The following CUX2 variants were observed in gnomAD, a reference collection of about 807,000 sequenced individuals.
CUX2 encodes cut like homeobox 2, also known as homeobox protein cut-like 2.
In CUX2, 40 loss-of-function variants were observed where a neutral mutation model predicts 144.8. The ratio of observed to expected loss-of-function variants is 0.28; its 90% CI spans 0.21 to 0.36. The LOEUF (loss-of-function observed/expected upper bound fraction) is 0.36. Ranked by LOEUF, CUX2 falls within the 10% of genes least tolerant of loss-of-function variation. CUX2 has a pLI of 1.00. For synonymous variants in CUX2, 827 were observed against 875.6 expected, an observed-to-expected ratio of 0.94 and a Z score of 0.98; for missense variants, 1,615 against 1,994.0, an observed-to-expected ratio of 0.81 and a Z score of 3.62.
intron 1 of CUX2, among the ~76,000 whole-genome samples, chr12:111,143,129 T>C (rs1876441714): frequency 6.6e-6 from 1 of 152,138 alleles, no homozygotes; most frequent in Non-Finnish European, 1.5e-5. Context: ...TACTGAGACT[T>C]GACACATCCT....
At chr12:111,288,625 G>A (rs1301260003) in intron 4 of CUX2, among the ~76,000 whole-genome samples, 3 of 151,772 alleles carry the variant, frequency 2.0e-5, no homozygotes, top group African/African-American at 7.3e-5. Context: ...TCAGGAGTTC[G>A]AGACCAGCCT....
At chr12:111,126,576 G>A (rs1875100759) in intron 1 of CUX2, among the ~76,000 whole-genome samples, 1 of 152,198 alleles carries the variant, frequency 6.6e-6, no homozygotes, top group South Asian at 2.1e-4. Context: ...TTACCCGAGG[G>A]AGGGTCAGCT....
Position 111,304,425 on chromosome 12 carries a change from C to T in CUX2, c.858+111C>T. 1 of 811,952 alleles carries T rather than the reference C, an allele frequency of 1.2e-6. No homozygotes were observed. Among genetic ancestry groups the T allele is most frequent in the Non-Finnish European group, 2.0e-6 (1 of 494,762 alleles). 50.3% of individuals were successfully genotyped at this position (811,952 alleles called of 1,614,324 possible). A position where few individuals can be genotyped will look rare whatever the true frequency, so the allele number is the denominator to read the frequency against. The stretch of plus-strand genomic sequence containing the variant: ...ACACTTTGTGGTTGATTGTGTGCAT[C>T]CATTTGAAACTGGGAGTGTGAATGT... On this transcript the variant is annotated intron_variant, in intron 10 of 21. Transcript: ENST00000261726. This position sits in a 1 kb window ranked among gnomAD's most constrained non-coding sequence, Gnocchi z 4.7.
chr12:111,116,999 A>G (rs569011426), intron 1 of CUX2, among the ~76,000 whole-genome samples: 9 of 152,326 alleles, frequency 5.9e-5, no homozygotes, highest in Admixed American at 5.9e-4. Flanking sequence ...TTAGACAGCT[A>G]ATACTGTGCT....
At chr12:111,345,680 G>A (rs1888768826) in intron 21 of CUX2, among the ~76,000 whole-genome samples, 1 of 147,390 alleles carries the variant, frequency 6.8e-6, no homozygotes, top group Non-Finnish European at 1.5e-5. Flanking sequence ...AGCTTGCGGT[G>A]AGCCAAGATC....
intron 2 of CUX2, among the ~76,000 whole-genome samples, chr12:111,216,582 G>A (rs1426663678): frequency 3.3e-5 from 5 of 152,194 alleles, no homozygotes. Context: ...AGCAGAGCAC[G>A]CCACCCCATC....
rs935578780 is a variant in CUX2 at position 111,281,951 on chromosome 12, C to T, written c.302-9467C>T. On this transcript the variant is annotated intron_variant, in intron 4 of 21. Transcript: ENST00000261726. ...CCAGGGTGAGCCTCGGACTGCAGCA[C>T]GGCTCTGAGAAAATCTTGGCCAGGG... Among the ~76,000 whole-genome samples the T allele has an allele frequency of 9.9e-5, 15 of 152,216 alleles. No individual in the cohort carries two copies. In the South Asian group the frequency reaches 2.5e-3, roughly 25 times the overall value.
rs1175127555 is a variant in CUX2, at chr12:111,310,371, T to G, written c.1589T>G (p.Leu530Arg). 6.3e-7 allele frequency: 1 copy of G among 1,589,850 alleles called. No individual in the cohort carries two copies. The highest frequency in any genetic ancestry group is 1.1e-5 in the South Asian group (1 of 89,288). Reference sequence around the variant, plus strand: ...ACCCCGGCCCCTGGCCCTGAGCCACTGGGCGGTCCTGAGCCCGCGGATGGT... The same window carrying G: ...ACCCCGGCCCCTGGCCCTGAGCCACGGGGCGGTCCTGAGCCCGCGGATGGT... ...PATPAPGPEPLGGPEPADGGG... is the reference protein window; with the variant it reads ...PATPAPGPEPRGGPEPADGGG... The change falls in exon 15 of 22, where the codon CTG becomes CGG. Residue 530 changes from leucine (L) to arginine (R), a missense_variant. Coordinates refer to ENST00000261726, the MANE Select transcript of CUX2 (RefSeq NM_015267.4). The surrounding 1 kb of genome is among the most constrained non-coding windows in gnomAD (Gnocchi z 7.9).
At chr12:111,260,029 G>C (rs1884033014) in intron 3 of CUX2, among the ~76,000 whole-genome samples, 1 of 151,864 alleles carries the variant, frequency 6.6e-6, no homozygotes, top group South Asian at 2.1e-4. Flanking sequence ...CAGGCGTGGT[G>C]GTGGGCACCT....
intron 4 of CUX2, among the ~76,000 whole-genome samples, chr12:111,269,274 G>A (rs1884529160): frequency 6.6e-6 from 1 of 152,156 alleles, no homozygotes; most frequent in Admixed American, 6.5e-5. Flanking sequence ...TACACAGTAG[G>A]CACCTAATAA....
chr12:111,239,205 T>G (rs1882904578), intron 3 of CUX2, among the ~76,000 whole-genome samples: 1 of 152,182 alleles, frequency 6.6e-6, no homozygotes, highest in African/African-American at 2.4e-5. Flanking sequence ...GTCCACAGGC[T>G]AGGGACACTT....
At chr12:111,184,604 A>T (rs908004564) in intron 1 of CUX2, among the ~76,000 whole-genome samples, 20 of 151,466 alleles carry the variant, frequency 1.3e-4, no homozygotes, top group Non-Finnish European at 2.7e-4. Flanking sequence ...AAAAAACAGA[A>T]AAATTAGCTG....
rs192624137 is a variant in CUX2 at position 111,324,146 on chromosome 12, C to T, written c.2926+1566C>T. Among the ~76,000 whole-genome samples, 47 of 152,004 alleles carry T rather than the reference C, an allele frequency of 3.1e-4. No homozygotes were observed. In the East Asian group the frequency reaches 6.4e-3, roughly 21 times the overall value. On this transcript the variant is annotated intron_variant, in intron 18 of 21. Transcript: ENST00000261726. ...CGGGCGGATCACAAAGTCAGGAGTTCGAGACCAGTCTGGCCAACATGGTGA... is the reference window on the plus strand; with the variant it reads ...CGGGCGGATCACAAAGTCAGGAGTTTGAGACCAGTCTGGCCAACATGGTGA...
intron 1 of CUX2, among the ~76,000 whole-genome samples, chr12:111,208,737 GGTTCTGAGGAACA>G (rs1881051606): frequency 6.6e-6 from 1 of 152,110 alleles, no homozygotes; most frequent in Non-Finnish European, 1.5e-5. Flanking sequence ...GATTGACTTG[GGTTCTGAGGAACA>G]GTTCTGCCTT....
intron 3 of CUX2, among the ~76,000 whole-genome samples, chr12:111,229,477 G>C (rs764221488): frequency 1.3e-5 from 2 of 152,220 alleles, no homozygotes; most frequent in Non-Finnish European, 2.9e-5. Flanking sequence ...ACACAGCCAG[G>C]AGAAAGATGG....
At chr12:111,244,141 T>C (rs898530451) in intron 3 of CUX2, among the ~76,000 whole-genome samples, 1 of 151,966 alleles carries the variant, frequency 6.6e-6, no homozygotes, top group African/African-American at 2.4e-5. Context: ...CCCAGGCTGG[T>C]CTCGAAATCC....
At chr12:111,198,531 G>A (rs1454075810) in intron 1 of CUX2, among the ~76,000 whole-genome samples, 1 of 151,998 alleles carries the variant, frequency 6.6e-6, no homozygotes, top group African/African-American at 2.4e-5. Flanking sequence ...CTAGATGCTG[G>A]AGCTATGGAG....
chr12:111,343,147 T>C (rs1418612988), intron 21 of CUX2, among the ~76,000 whole-genome samples: 1 of 151,996 alleles, frequency 6.6e-6, no homozygotes, highest in Non-Finnish European at 1.5e-5. Flanking sequence ...GGTGGATCCC[T>C]GATTTGGGGC....
In CUX2 at chr12:111,307,091, G is replaced by A. The variant is rs199929446; in HGVS notation, c.1029G>A (p.Thr343=). ...NQIADLERQL[T]AKSEAIEKLE... is the part of the protein sequence containing the mutation. ...TCGCCGACCTGGAGCGGCAGCTCACGGCCAAGTCCGAGGCCATAGAAGTGG... is the reference window on the plus strand; with the variant it reads ...TCGCCGACCTGGAGCGGCAGCTCACAGCCAAGTCCGAGGCCATAGAAGTGG... The change falls in exon 11 of 22, where the codon ACG becomes ACA. Residue 343 remains threonine (T), a synonymous_variant. Coordinates refer to ENST00000261726, the MANE Select transcript of CUX2 (RefSeq NM_015267.4). The surrounding 1 kb of genome is among the most constrained non-coding windows in gnomAD (Gnocchi z 4.1). 3.0e-3 allele frequency: 4,817 copies of A among 1,612,796 alleles called. 10 individuals carry two copies. The highest frequency in any genetic ancestry group is 3.7e-3 in the Non-Finnish European group (4,343 of 1,179,068).
Sources: gnomAD v4.1 joint callset for allele counts (sites outside exome capture counted in the v4.1 genomes callset) on GRCh38, gnomAD v4.1.1 for gene constraint, Gnocchi (gnomAD v3.1) non-coding constraint, MANE v1.5 for transcripts, NCBI Gene and HGNC (gene_info 2026-07-23, HGNC 2026-07-21) for gene names.